The following TSHZ2 variants were observed in gnomAD, a reference collection of about 807,000 sequenced individuals.
The protein encoded by TSHZ2 is teashirt zinc finger homeobox 2.
Under a neutral mutation model 74.4 loss-of-function variants are expected in TSHZ2, and 21 were observed. That is an observed-to-expected ratio of 0.28 (90% CI 0.20 to 0.41). The LOEUF is 0.41. Ranked by LOEUF, TSHZ2 falls within the 10% of genes least tolerant of loss-of-function variation. TSHZ2 has a pLI of 1.00. For synonymous variants in TSHZ2, 540 were observed against 515.3 expected (o/e 1.05, Z -0.65); for missense variants, 1,244 against 1,293.5 (o/e 0.96, Z 0.59).
intron 1 of TSHZ2, among the ~76,000 whole-genome samples, chr20:53,010,547 T>C (rs1045232752): frequency 6.6e-6 from 1 of 152,062 alleles, no homozygotes; most frequent in Non-Finnish European, 1.5e-5. Flanking sequence ...AGGAGGTCAG[T>C]TGGTTTCTTT....
intron 2 of TSHZ2, among the ~76,000 whole-genome samples, chr20:53,316,465 A>C (rs1338521485): frequency 1.3e-5 from 2 of 152,148 alleles, no homozygotes; most frequent in African/African-American, 4.8e-5. Context: ...GAAATGATGA[A>C]ACAATTCAGG....
At chr20:53,204,098 G>C (rs1170721945) in intron 1 of TSHZ2, among the ~76,000 whole-genome samples, 5 of 98,010 alleles carry the variant, frequency 5.1e-5, no homozygotes, top group Non-Finnish European at 1.2e-4. Context: ...ATCATATGAT[G>C]ATATGATATA....
intron 1 of TSHZ2, among the ~76,000 whole-genome samples, chr20:53,034,055 C>T (rs149398307): frequency 3.3e-5 from 5 of 152,202 alleles, no homozygotes; most frequent in East Asian, 1.9e-4. Flanking sequence ...ATTATATTCT[C>T]GATAAATACT....
At chr20:53,304,991 A>C (rs1978467040) in intron 2 of TSHZ2, among the ~76,000 whole-genome samples, 1 of 147,968 alleles carries the variant, frequency 6.8e-6, no homozygotes, top group African/African-American at 2.5e-5. Context: ...GCTGAAGTGC[A>C]GTGGTGCGAT....
intron 2 of TSHZ2, among the ~76,000 whole-genome samples, chr20:53,381,601 A>G (rs1161273023): frequency 2.0e-5 from 3 of 152,306 alleles, no homozygotes; most frequent in East Asian, 3.9e-4. Context: ...AGCCCTCATT[A>G]TATCTAAAGT....
At chr20:53,188,762 G>A (rs1568802680) in intron 1 of TSHZ2, among the ~76,000 whole-genome samples, 1 of 152,124 alleles carries the variant, frequency 6.6e-6, no homozygotes, top group Non-Finnish European at 1.5e-5. Context: ...CTATGAACCA[G>A]CTGCCTAAGT....
At chr20:53,005,093 A>C (rs1251675655) in intron 1 of TSHZ2, among the ~76,000 whole-genome samples, 4 of 152,122 alleles carry the variant, frequency 2.6e-5, no homozygotes, top group African/African-American at 4.8e-5. Flanking sequence ...CCAGAGGATC[A>C]GTGAGGTCAG....
At chr20:53,017,883 T>C (rs773675719) in intron 1 of TSHZ2, among the ~76,000 whole-genome samples, 1 of 152,210 alleles carries the variant, frequency 6.6e-6, no homozygotes, top group South Asian at 2.1e-4. Flanking sequence ...CACAATAGAC[T>C]ATGTAACTTT....
chr20:52,993,264 A>C (rs985713174), intron 1 of TSHZ2, among the ~76,000 whole-genome samples: 1 of 152,126 alleles, frequency 6.6e-6, no homozygotes, highest in African/African-American at 2.4e-5. Flanking sequence ...TTCCCTGCTC[A>C]CTGCATTCCC....
intron 1 of TSHZ2, among the ~76,000 whole-genome samples, chr20:53,223,896 TAA>T (rs1416458196): frequency 1.3e-5 from 1 of 74,380 alleles, no homozygotes; most frequent in Non-Finnish European, 2.5e-5. Flanking sequence ...GTTACAGGAC[TAA>T]ACACACACAC....
chr20:53,477,777 A>G lies in TSHZ2; in HGVS notation c.*9-9367A>G, dbSNP rs1359452127. The stretch of plus-strand genomic sequence containing the variant: ...AACCTACTCATCTGACAAAGGGCTA[A>G]TATCCAGAATCTACAATGAACTCAA... On this transcript the variant is annotated intron_variant, in intron 2 of 2. Transcript: ENST00000371497. Among the ~76,000 whole-genome samples the G allele has an allele frequency of 4.9e-3, 661 of 135,068 alleles. 17 individuals are homozygous for G. The highest frequency in any genetic ancestry group is 0.018 in the African/African-American group (617 of 34,620). The allele number at this position is 135,068 out of a possible 152,430, so 88.6% of individuals were successfully genotyped here.
At chr20:53,170,270 CA>C (rs1273106633) in intron 1 of TSHZ2, among the ~76,000 whole-genome samples, 1 of 152,190 alleles carries the variant, frequency 6.6e-6, no homozygotes, top group Non-Finnish European at 1.5e-5. Context: ...CATAAATAAG[CA>C]AATGAAATTG....
rs866957537 is a variant in TSHZ2 at position 53,173,861 on chromosome 20, G to A, written c.41-79638G>A. 5.2e-4 allele frequency among the ~76,000 whole-genome samples: 79 copies of A among 152,310 alleles called. 1 individual carries two copies. The highest frequency in any genetic ancestry group is 1.8e-3 in the African/African-American group (76 of 41,560). On this transcript the variant is annotated intron_variant, in intron 1 of 2. Coordinates refer to ENST00000371497, the MANE Select transcript of TSHZ2 (RefSeq NM_173485.6). Reference sequence around the variant, plus strand: ...CAGGAAGGTGTGTGGAAGGCACCCAGGATCTTGTTTTGTTTTGTTTGTTTA... The same window carrying A: ...CAGGAAGGTGTGTGGAAGGCACCCAAGATCTTGTTTTGTTTTGTTTGTTTA...
chr20:53,195,294 C>T (rs756167182), intron 1 of TSHZ2, among the ~76,000 whole-genome samples: 1 of 151,882 alleles, frequency 6.6e-6, no homozygotes, highest in East Asian at 1.9e-4. Flanking sequence ...CACACACACA[C>T]ATATATATTC....
At chr20:53,329,476 AG>A (rs1323181585) in intron 2 of TSHZ2, among the ~76,000 whole-genome samples, 1 of 152,202 alleles carries the variant, frequency 6.6e-6, no homozygotes, top group Non-Finnish European at 1.5e-5. Context: ...AACTCCGGAA[AG>A]CCCTGCTTTC....
intron 1 of TSHZ2, among the ~76,000 whole-genome samples, chr20:52,975,027 T>C (rs1019943178): frequency 2.0e-5 from 3 of 152,226 alleles, no homozygotes; most frequent in African/African-American, 7.2e-5. Context: ...TCTTTCTGCA[T>C]TTAACTCACT....
intron 1 of TSHZ2, among the ~76,000 whole-genome samples, chr20:52,974,243 A>G (rs146592933): frequency 6.6e-6 from 1 of 152,228 alleles, no homozygotes; most frequent in East Asian, 1.9e-4. Flanking sequence ...CCACTGAAAA[A>G]TCAGCTTTCC....
At chr20:53,047,822 T>C (rs1326533263) in intron 1 of TSHZ2, among the ~76,000 whole-genome samples, 1 of 152,050 alleles carries the variant, frequency 6.6e-6, no homozygotes, top group Non-Finnish European at 1.5e-5. Flanking sequence ...AACATCAAAA[T>C]AGGTTCCATG....
intron 2 of TSHZ2, among the ~76,000 whole-genome samples, chr20:53,282,906 T>C (rs1049310411): frequency 2.6e-5 from 4 of 152,222 alleles, no homozygotes; most frequent in Admixed American, 6.5e-5. Context: ...AACAGACACA[T>C]GCAGTCCTCT....
Sources: allele counts gnomAD v4.1 joint callset (sites outside exome capture counted in the v4.1 genomes callset), GRCh38; gene constraint gnomAD v4.1.1; transcripts MANE v1.5; gene names NCBI Gene and HGNC (gene_info 2026-07-23, HGNC 2026-07-21).